The following VAT1L variants were observed in gnomAD, a reference collection of about 807,000 sequenced individuals.
VAT1L encodes the protein vesicle amine transport 1 like.
In VAT1L, 34 loss-of-function variants were observed where a neutral mutation model predicts 44.1. The ratio of observed to expected loss-of-function variants is 0.77; its 90% CI spans 0.59 to 1.03. The LOEUF is 1.03. Ranked by LOEUF, VAT1L falls within the 50% of genes least tolerant of loss-of-function variation. The probability of loss-of-function intolerance (pLI) is 0.00; values close to 1 mark genes in which losing one functional copy is unlikely to be tolerated. For synonymous variants in VAT1L, 253 were observed against 202.2 expected, an observed-to-expected ratio of 1.25 and a Z score of -2.13; for missense variants, 615 against 538.8, an observed-to-expected ratio of 1.14 and a Z score of -1.40.
At chr16:77,892,900 C>G (rs944089959) in intron 7 of VAT1L, 2 of 1,102,624 alleles carry the variant, frequency 1.8e-6, no homozygotes, top group Non-Finnish European at 1.4e-6. Flanking sequence ...CCATTGCTGA[C>G]TGTGGACAAA....
intron 7 of VAT1L, among the ~76,000 whole-genome samples, chr16:77,941,365 G>A (rs1471026545): frequency 2.0e-5 from 3 of 152,136 alleles, no homozygotes; most frequent in African/African-American, 4.8e-5. Flanking sequence ...GTTATGATGT[G>A]CTGTCATATG....
intron 7 of VAT1L, among the ~76,000 whole-genome samples, chr16:77,961,980 ACTAGTGTGT>A (rs2018164773): frequency 6.6e-6 from 1 of 152,112 alleles, no homozygotes; most frequent in South Asian, 2.1e-4. Context: ...CCCCATTCTG[ACTAGTGTGT>A]CTAGAGTATC....
chr16:77,875,753 C>T (rs2017080972), intron 4 of VAT1L, among the ~76,000 whole-genome samples: 1 of 152,174 alleles, frequency 6.6e-6, no homozygotes, highest in South Asian at 2.1e-4. Flanking sequence ...CTCTCAGAGT[C>T]AGTTTTAGGT....
intron 7 of VAT1L, chr16:77,892,645 C>G: frequency 1.4e-6 from 1 of 703,918 alleles, no homozygotes; most frequent in Non-Finnish European, 2.7e-6. Flanking sequence ...GCACTGGTGG[C>G]AACTCCATCT....
intron 3 of VAT1L, among the ~76,000 whole-genome samples, chr16:77,856,121 A>T (rs919692881): frequency 1.3e-5 from 2 of 152,200 alleles, no homozygotes; most frequent in Non-Finnish European, 2.9e-5. Context: ...ATAAACCGGG[A>T]GAAAAGACAG....
intron 7 of VAT1L, among the ~76,000 whole-genome samples, chr16:77,951,375 G>A (rs959610708): frequency 2.8e-4 from 43 of 150,926 alleles, no homozygotes; most frequent in Non-Finnish European, 3.8e-4. Flanking sequence ...GTGAAACCTC[G>A]TCTTTGCTAA....
chr16:77,955,137 C>T (rs1012861293), intron 7 of VAT1L, among the ~76,000 whole-genome samples: 42 of 152,124 alleles, frequency 2.8e-4, no homozygotes, highest in Non-Finnish European at 1.6e-4. Flanking sequence ...TATGTGGATA[C>T]TGAGATGGGG....
intron 2 of VAT1L, among the ~76,000 whole-genome samples, chr16:77,819,723 C>T (rs145346989): frequency 1.2e-4 from 19 of 152,326 alleles, no homozygotes; most frequent in Non-Finnish European, 2.6e-4. Flanking sequence ...GGTCTTCACC[C>T]CTTCCGGGGA....
In VAT1L at chr16:77,888,019, C is replaced by T. The variant is rs74985069; in HGVS notation, c.1077+3217C>T. Among the ~76,000 whole-genome samples, 824 of 152,296 alleles carry T rather than the reference C, an allele frequency of 5.4e-3. 6 individuals are homozygous for T. Among genetic ancestry groups the T allele is most frequent in the African/African-American group, 0.019 (783 of 41,558 alleles). ...GTCCTTGAGCCCACCCAGGCCTTCC[C>T]TGTCTTGAGCCTTCAAACATGTTGC... On this transcript the variant is annotated intron_variant, in intron 7 of 8. Transcript: ENST00000302536.
chr16:77,861,095 C>A (rs908311488), intron 3 of VAT1L, among the ~76,000 whole-genome samples: 1 of 152,186 alleles, frequency 6.6e-6, no homozygotes, highest in African/African-American at 2.4e-5. Context: ...TTCTGTGATT[C>A]TCTCAGTGTT....
chr16:77,965,641 A>T (rs184087172), intron 7 of VAT1L, among the ~76,000 whole-genome samples: 1 of 152,242 alleles, frequency 6.6e-6, no homozygotes, highest in African/African-American at 2.4e-5. Flanking sequence ...GGCATCCCAG[A>T]CTGGGTGTGG....
intron 8 of VAT1L, among the ~76,000 whole-genome samples, chr16:77,973,486 T>C (rs1321237901): frequency 6.6e-6 from 1 of 152,106 alleles, no homozygotes; most frequent in Non-Finnish European, 1.5e-5. Context: ...GGTTTTACCA[T>C]GTGGGTCAGG....
At chr16:77,874,289 C>T (rs1385941176) in intron 4 of VAT1L, among the ~76,000 whole-genome samples, 2 of 151,980 alleles carry the variant, frequency 1.3e-5, no homozygotes, top group East Asian at 1.9e-4. Flanking sequence ...AAAAGCAGAC[C>T]AGGACCCCAC....
intron 7 of VAT1L, among the ~76,000 whole-genome samples, chr16:77,908,363 G>A (rs368388541): frequency 6.7e-6 from 1 of 150,368 alleles, no homozygotes; most frequent in African/African-American, 2.4e-5. Flanking sequence ...TTGGGAGGCT[G>A]AGGCAGGAGA....
At chr16:77,861,291 C>G (rs1376890117) in intron 3 of VAT1L, among the ~76,000 whole-genome samples, 1 of 152,190 alleles carries the variant, frequency 6.6e-6, no homozygotes, top group Non-Finnish European at 1.5e-5. Context: ...CAACACTTGG[C>G]TTTAGAATGC....
intron 5 of VAT1L, 28 bp downstream of exon 5, chr16:77,876,501 G>A: frequency 1.9e-6 from 3 of 1,598,370 alleles, no homozygotes; most frequent in Non-Finnish European, 2.6e-6. Flanking sequence ...GCAGGGACGT[G>A]GTCAGCAATA....
At chr16:77,862,086 G>GT (rs2016920601) in intron 3 of VAT1L, among the ~76,000 whole-genome samples, 1 of 152,206 alleles carries the variant, frequency 6.6e-6, no homozygotes, top group Non-Finnish European at 1.5e-5. Flanking sequence ...TAAGATATCA[G>GT]TTTTTAAGTC....
intron 1 of VAT1L, among the ~76,000 whole-genome samples, chr16:77,802,120 G>C (rs1456131298): frequency 3.2e-4 from 49 of 152,178 alleles, no homozygotes; most frequent in Non-Finnish European, 1.5e-5. Context: ...ACCGCTTTGA[G>C]CCTCAGCATC....
intron 7 of VAT1L, among the ~76,000 whole-genome samples, chr16:77,922,649 C>T (rs527418316): frequency 2.0e-5 from 3 of 152,168 alleles, no homozygotes; most frequent in Admixed American, 6.5e-5. Context: ...AGGGAGAGGA[C>T]GGTATTAAAG....
Sources: gnomAD v4.1 joint callset for allele counts (sites outside exome capture counted in the v4.1 genomes callset) on GRCh38, gnomAD v4.1.1 for gene constraint, MANE v1.5 for transcripts, NCBI Gene and HGNC (gene_info 2026-07-23, HGNC 2026-07-21) for gene names.